The following PPP1R12A variants were observed in gnomAD, a reference collection of about 807,000 sequenced individuals.
PPP1R12A encodes myosin binding subunit.
Under a neutral mutation model 139.6 loss-of-function variants are expected in PPP1R12A, and 19 were observed. That is an observed-to-expected ratio of 0.14 (90% CI 0.09 to 0.20). The LOEUF (loss-of-function observed/expected upper bound fraction) is 0.20. Ranked by LOEUF, PPP1R12A falls within the 10% of genes least tolerant of loss-of-function variation. The pLI, the probability that PPP1R12A is intolerant of heterozygous loss-of-function variation, is 1.00. For synonymous variants in PPP1R12A, 427 were observed against 420.6 expected (o/e 1.02, Z -0.19); for missense variants, 925 against 1,211.5 (o/e 0.76, Z 3.51).
At chr12:79,794,249 CTTCT>C (rs1351513147) in intron 18 of PPP1R12A, among the ~76,000 whole-genome samples, 5 of 151,788 alleles carry the variant, frequency 3.3e-5, no homozygotes, top group East Asian at 1.9e-4. Flanking sequence ...CTGTTCTTCC[CTTCT>C]TTGTCATTTA....
intron 3 of PPP1R12A, among the ~76,000 whole-genome samples, chr12:79,832,751 T>C (rs973220952): frequency 6.6e-6 from 1 of 152,040 alleles, no homozygotes; most frequent in Non-Finnish European, 1.5e-5. Context: ...ATTATTCTTC[T>C]TGTTTTTTAA....
intron 2 of PPP1R12A, among the ~76,000 whole-genome samples, chr12:79,855,554 C>T (rs1157234186): frequency 6.6e-6 from 1 of 152,132 alleles, no homozygotes; most frequent in African/African-American, 2.4e-5. Flanking sequence ...CACCAAATTG[C>T]TTTCCACAAT....
rs181174467 is a variant in PPP1R12A at position 79,907,248 on chromosome 12, T to C, written c.237+27447A>G. 9.8e-5 allele frequency among the ~76,000 whole-genome samples: 15 copies of C among 152,312 alleles called. No homozygotes were observed. The East Asian group carries it at 2.9e-3, about 29-fold the overall frequency. On this transcript the variant is annotated intron_variant, in intron 1 of 24. Coordinates refer to ENST00000450142, the MANE Select transcript of PPP1R12A (RefSeq NM_002480.3). ...AAGATTATTAAGAACAGGCAGACTC[T>C]GTCCTTCTTTTAGCTCTACTAAAAC...
At chr12:79,776,058 T>G in intron 24 of PPP1R12A, 43 bp from the exon 25 acceptor site, 4 of 1,151,274 alleles carry the variant, frequency 3.5e-6, no homozygotes, top group Non-Finnish European at 3.7e-6. Flanking sequence ...CCTTCAATAT[T>G]AAAAGATAAA....
chr12:79,800,757 G>T, intron 14 of PPP1R12A, among the ~76,000 whole-genome samples: 1 of 143,770 alleles, frequency 7.0e-6, no homozygotes, highest in African/African-American at 2.6e-5. Context: ...TTTTTGAAAC[G>T]GAGTCTCGCT....
intron 2 of PPP1R12A, among the ~76,000 whole-genome samples, chr12:79,846,587 G>A (rs76413927): frequency 9.3e-5 from 14 of 150,866 alleles, no homozygotes; most frequent in South Asian, 6.3e-4. Context: ...CCGCCACTGC[G>A]CGTGGCTCAT....
chr12:79,846,431 TTCTC>T (rs1879401184), intron 2 of PPP1R12A, among the ~76,000 whole-genome samples: 1 of 135,882 alleles, frequency 7.4e-6, no homozygotes, highest in Non-Finnish European at 1.5e-5. Context: ...AATTTCTTTT[TTCTC>T]TCTGTTTTTT....
At chr12:79,867,678 C>T (rs144038477) in intron 2 of PPP1R12A, among the ~76,000 whole-genome samples, 75 of 152,068 alleles carry the variant, frequency 4.9e-4, no homozygotes, top group African/African-American at 1.7e-3. Flanking sequence ...GTGTCCTTAC[C>T]CAAATCTCAT....
chr12:79,779,050 TCACA>T (rs1870092300), intron 23 of PPP1R12A: 2 of 250,488 alleles, frequency 8.0e-6, no homozygotes, highest in African/African-American at 4.4e-5. Flanking sequence ...TTTCCTCCAC[TCACA>T]ATGTGTACTA....
chr12:79,898,784 C>T (rs1044284986), intron 1 of PPP1R12A, among the ~76,000 whole-genome samples: 8 of 152,070 alleles, frequency 5.3e-5, no homozygotes, highest in East Asian at 1.9e-4. Flanking sequence ...AATGCCTTTC[C>T]GACATCTCTG....
intron 8 of PPP1R12A, among the ~76,000 whole-genome samples, chr12:79,818,469 G>T (rs369949627): frequency 1.3e-5 from 2 of 151,916 alleles, no homozygotes; most frequent in Non-Finnish European, 2.9e-5. Context: ...TCTTGAACTC[G>T]TGAGCTTAAG....
chr12:79,815,057 T>A (rs1361136961), intron 9 of PPP1R12A, among the ~76,000 whole-genome samples: 1 of 152,174 alleles, frequency 6.6e-6, no homozygotes, highest in Non-Finnish European at 1.5e-5. Context: ...AAGAGATTAC[T>A]GGCCCACTAT....
intron 1 of PPP1R12A, among the ~76,000 whole-genome samples, chr12:79,885,424 C>CATTGGG (rs1259579115): frequency 6.6e-6 from 1 of 152,112 alleles, no homozygotes; most frequent in African/African-American, 2.4e-5. Flanking sequence ...TTCTAGAATG[C>CATTGGG]ATTTTTATCC....
At chr12:79,931,831 AAGAT>A (rs955618640) in intron 1 of PPP1R12A, among the ~76,000 whole-genome samples, 1 of 152,172 alleles carries the variant, frequency 6.6e-6, no homozygotes, top group African/African-American at 2.4e-5. Context: ...TCTGGAGACT[AAGAT>A]AGGAAATTTG....
At chr12:79,816,661 G>A (rs528457150) in intron 9 of PPP1R12A, among the ~76,000 whole-genome samples, 11 of 152,080 alleles carry the variant, frequency 7.2e-5, no homozygotes, top group Non-Finnish European at 1.6e-4. Flanking sequence ...ATGGAGAACA[G>A]ACAGAGAACA....
intron 2 of PPP1R12A, among the ~76,000 whole-genome samples, chr12:79,863,181 G>C (rs961318014): frequency 2.0e-5 from 3 of 152,266 alleles, no homozygotes; most frequent in East Asian, 3.9e-4. Context: ...TTAAAGAAAA[G>C]AATTTTCAAC....
chr12:79,812,977 C>T (rs1203568580), intron 9 of PPP1R12A, among the ~76,000 whole-genome samples: 1 of 152,126 alleles, frequency 6.6e-6, no homozygotes, highest in Admixed American at 6.6e-5. Context: ...ACTTCAATGA[C>T]TTTCTAATAA....
intron 1 of PPP1R12A, among the ~76,000 whole-genome samples, chr12:79,890,913 A>ACACACC (rs1884566051): frequency 6.9e-6 from 1 of 145,300 alleles, no homozygotes; most frequent in Non-Finnish European, 1.5e-5. Flanking sequence ...ACCCACACAC[A>ACACACC]CACACACACA....
chr12:79,811,395 A>G (rs1254906455), intron 9 of PPP1R12A, among the ~76,000 whole-genome samples: 1 of 152,182 alleles, frequency 6.6e-6, no homozygotes, highest in Non-Finnish European at 1.5e-5. Flanking sequence ...TCTGTAGAAT[A>G]TTTTAAAGTT....
Sources: allele counts gnomAD v4.1 joint callset (sites outside exome capture counted in the v4.1 genomes callset), GRCh38; gene constraint gnomAD v4.1.1; transcripts MANE v1.5; gene names NCBI Gene and HGNC (gene_info 2026-07-23, HGNC 2026-07-21).